The following PDE11A variants were observed in gnomAD, a reference collection of about 807,000 sequenced individuals.
PDE11A encodes dual 3',5'-cyclic-AMP and -GMP phosphodiesterase 11A.
PDE11A carries 100 observed loss-of-function variants against 100.5 expected under a neutral mutation model. The observed-to-expected ratio is 1.00, with a 90% CI of 0.85 to 1.18. PDE11A has a LOEUF of 1.18. Ranked by LOEUF, PDE11A falls within the 50% of genes most tolerant of loss-of-function variation. The pLI is 0.00. For synonymous variants in PDE11A, 381 were observed against 420.8 expected (o/e 0.91, Z 1.16); for missense variants, 1,141 against 1,152.6 (o/e 0.99, Z 0.15).
rs142562029 is a variant in PDE11A at position 177,861,996 on chromosome 2, C to A, written c.1367+13863G>T. 5.8e-3 allele frequency among the ~76,000 whole-genome samples: 884 copies of A among 151,832 alleles called. 8 individuals carry two copies. Among genetic ancestry groups the A allele is most frequent in the African/African-American group, 0.02 (840 of 41,476 alleles). On this transcript the variant is annotated intron_variant, in intron 5 of 19. Transcript: ENST00000286063. Reference sequence around the variant, plus strand: ...GAACACATGGGCATATGTATTCATGCGCTTAGATTAAACAATCACTTCTTA... The same window carrying A: ...GAACACATGGGCATATGTATTCATGAGCTTAGATTAAACAATCACTTCTTA...
chr2:177,805,139 A>G (rs2082851364), intron 9 of PDE11A, among the ~76,000 whole-genome samples: 1 of 151,708 alleles, frequency 6.6e-6, no homozygotes, highest in Non-Finnish European at 1.5e-5. Flanking sequence ...TGCCTAAAAC[A>G]AAATGACCCA....
chr2:177,730,697 G>A (rs929136473), intron 10 of PDE11A, among the ~76,000 whole-genome samples: 3 of 151,714 alleles, frequency 2.0e-5, no homozygotes, highest in African/African-American at 7.3e-5. Flanking sequence ...TTTATTTCAC[G>A]GATACAATAT....
In PDE11A at chr2:178,078,745, G is replaced by A. The variant is rs550086962; in HGVS notation, c.162+25557C>T. On this transcript the variant is annotated intron_variant, in intron 2 of 20. Transcript: ENST00000358450. ...ATATTTTCTATATATTTGGAGATTC[G>A]AACTTAGTAGAATATGGATAAATTC... 2.2e-3 allele frequency among the ~76,000 whole-genome samples: 339 copies of A among 152,106 alleles called. 1 individual carries two copies. Among genetic ancestry groups the A allele is most frequent in the African/African-American group, 7.6e-3 (314 of 41,474 alleles).
intron 9 of PDE11A, among the ~76,000 whole-genome samples, chr2:177,780,062 G>A (rs182642312): frequency 8.5e-4 from 130 of 152,230 alleles, no homozygotes; most frequent in Middle Eastern, 3.4e-3. Flanking sequence ...CAGCTCCACC[G>A]GAGTGTTTGG....
At chr2:177,861,227 T>C (rs548691969) in intron 5 of PDE11A, among the ~76,000 whole-genome samples, 35 of 151,798 alleles carry the variant, frequency 2.3e-4, no homozygotes, top group African/African-American at 8.4e-4. Context: ...AATAAACAAG[T>C]TCAACAAGGT....
chr2:178,107,479 C>A (rs1431317935), intron 1 of PDE11A, among the ~76,000 whole-genome samples: 2 of 150,682 alleles, frequency 1.3e-5, no homozygotes, highest in South Asian at 4.2e-4. Context: ...GTAACAGTAG[C>A]AAACATTTGT....
At chr2:177,848,233 G>A (rs186784735) in intron 5 of PDE11A, among the ~76,000 whole-genome samples, 89 of 152,016 alleles carry the variant, frequency 5.9e-4, no homozygotes, top group African/African-American at 2.0e-3. Flanking sequence ...TCCCTACAGT[G>A]GGGATATTTT....
At chr2:177,769,547 T>C (rs1038815984) in intron 9 of PDE11A, among the ~76,000 whole-genome samples, 174 bp from the exon 10 acceptor site, 4 of 152,156 alleles carry the variant, frequency 2.6e-5, no homozygotes, top group African/African-American at 9.7e-5. Context: ...AATTCACATA[T>C]TAAAGAATAT....
intron 6 of PDE11A, among the ~76,000 whole-genome samples, chr2:177,839,784 T>C (rs2083460168): frequency 6.6e-6 from 1 of 152,218 alleles, no homozygotes; most frequent in Non-Finnish European, 1.5e-5. Context: ...TATCAGTTCA[T>C]GTGAATTTAT....
At chr2:177,768,821 A>G (rs2082272782) in intron 10 of PDE11A, among the ~76,000 whole-genome samples, 1 of 152,234 alleles carries the variant, frequency 6.6e-6, no homozygotes, top group African/African-American at 2.4e-5. Context: ...CCATGCTTCA[A>G]TTTATTCATC....
chr2:177,634,388 C>CTTTTTTTTT lies in PDE11A; in HGVS notation c.2647-4827_2647-4826insAAAAAAAAA, dbSNP rs1198925669. Reference sequence around the variant, plus strand: ...TCTTGAAAACTTACTTTTTCTCTCTCTCTTTTTTTTTTTTTTGTGAGAAGG... The same window carrying CTTTTTTTTT: ...TCTTGAAAACTTACTTTTTCTCTCTCTTTTTTTTTTCTTTTTTTTTTTTTTGTGAGAAGG... On this transcript the variant is annotated intron_variant, in intron 19 of 19. Coordinates refer to ENST00000286063, the MANE Select transcript of PDE11A (RefSeq NM_016953.4). Among the ~76,000 whole-genome samples the CTTTTTTTTT allele has an allele frequency of 8.2e-5, 5 of 61,088 alleles. 1 individual carries two copies. Among genetic ancestry groups the CTTTTTTTTT allele is most frequent in the African/African-American group, 1.0e-4 (3 of 28,904 alleles). The allele number at this position is 61,088 out of a possible 152,430, so 40.1% of individuals were successfully genotyped here.
intron 19 of PDE11A, among the ~76,000 whole-genome samples, chr2:177,635,294 T>C (rs553887726): frequency 2.6e-5 from 4 of 152,274 alleles, no homozygotes; most frequent in African/African-American, 9.6e-5. Context: ...CAAGTGTAGG[T>C]TAGAGTTGAT....
Position 177,817,859 on chromosome 2 carries a change from T to A in PDE11A, c.1643A>T (p.Glu548Val). ...PFDDADQRLFEAFVIFCGLGI... is the reference protein window; with the variant it reads ...PFDDADQRLFVAFVIFCGLGI... ...TGGTTTATAAATTTATTTTCTTACC[T>A]CAAAAAGTCGTTGATCTGCATCATC... The change falls in exon 8 of 20, where the codon GAG becomes GTG. Residue 548 changes from glutamate (E) to valine (V), a missense_variant and splice_region_variant. Transcript: ENST00000286063. 3 of 1,457,876 alleles carry A rather than the reference T, an allele frequency of 2.1e-6. No individual in the cohort carries two copies. Among genetic ancestry groups the A allele is most frequent in the South Asian group, 1.1e-5 (1 of 87,922 alleles). The allele number at this position is 1,457,876 out of a possible 1,614,324, so 90.3% of individuals were successfully genotyped here.
intron 9 of PDE11A, among the ~76,000 whole-genome samples, chr2:177,801,584 T>G (rs1430780959): frequency 6.6e-6 from 1 of 152,122 alleles, no homozygotes; most frequent in African/African-American, 2.4e-5. Flanking sequence ...TGGAAAAGAA[T>G]GCAGAACAGA....
intron 13 of PDE11A, among the ~76,000 whole-genome samples, chr2:177,709,117 C>A (rs1174017394): frequency 6.6e-6 from 1 of 152,072 alleles, no homozygotes; most frequent in African/African-American, 2.4e-5. Context: ...TGAGCTGCGG[C>A]GAGTGGGCAC....
At chr2:177,746,388 GA>G (rs912279130) in intron 10 of PDE11A, among the ~76,000 whole-genome samples, 12 of 150,960 alleles carry the variant, frequency 7.9e-5, no homozygotes, top group Admixed American at 3.9e-4. Context: ...AATTCCAGAA[GA>G]AAAAAAAGGA....
chr2:177,637,848 T>G (rs1385437582), intron 19 of PDE11A, among the ~76,000 whole-genome samples: 1 of 150,734 alleles, frequency 6.6e-6, no homozygotes, highest in African/African-American at 2.4e-5. Flanking sequence ...TGAGTTTTTC[T>G]TTTGCAGGGC....
chr2:178,072,198 G>C lies in PDE11A; in HGVS notation c.240C>G (p.Gly80=), dbSNP rs1300919283. The C allele has an allele frequency of 8.7e-6, 14 of 1,613,868 alleles. No homozygotes were observed. The highest frequency in any genetic ancestry group is 1.2e-5 in the Non-Finnish European group (14 of 1,179,874). Residue 80 remains glycine, a synonymous_variant, in exon 1 of 20, where the codon GGC becomes GGG. Coordinates refer to ENST00000286063, the MANE Select transcript of PDE11A (RefSeq NM_016953.4). The part of the protein sequence containing the change: ...SSVGGGTGPN[G]SAHSQPLPGG... ...CGGGAAGGGGCTGGCTGTGGGCAGA[G>C]CCATTTGGTCCAGTGCCACCACCAA...
chr2:177,983,413 A>G (rs2085905997), intron 2 of PDE11A, among the ~76,000 whole-genome samples: 1 of 152,194 alleles, frequency 6.6e-6, no homozygotes, highest in Non-Finnish European at 1.5e-5. Flanking sequence ...TGGGCTACTG[A>G]TGCACCTTTT....
Sources: gnomAD v4.1 joint callset for allele counts (sites outside exome capture counted in the v4.1 genomes callset) on GRCh38, gnomAD v4.1.1 for gene constraint, MANE v1.5 for transcripts, NCBI Gene and HGNC (gene_info 2026-07-23, HGNC 2026-07-21) for gene names.